Variants in SLC35F4 observed in about 807,000 individuals in gnomAD.
SLC35F4 encodes the protein chromosome 14 open reading frame 36.
In SLC35F4, 24 loss-of-function variants were observed where a neutral mutation model predicts 44.2. The observed-to-expected ratio is 0.54, with a 90% CI of 0.39 to 0.76. The LOEUF is 0.76. Among genes scored for constraint, SLC35F4 ranks in the 30% least tolerant of loss-of-function variants. The pLI is 0.00. For synonymous variants in SLC35F4, 238 were observed against 223.6 expected, an observed-to-expected ratio of 1.06 and a Z score of -0.57; for missense variants, 562 against 586.1, an observed-to-expected ratio of 0.96 and a Z score of 0.42.
chr14:57,811,162 T>C (rs1881921088), intron 1 of SLC35F4, among the ~76,000 whole-genome samples: 1 of 152,158 alleles, frequency 6.6e-6, no homozygotes, highest in South Asian at 2.1e-4. Context: ...CCAGTATTTA[T>C]CACTTGAATA....
At position 57,866,064 on chromosome 14, in the gene SLC35F4, C is replaced by T. The variant is rs978903074; in HGVS notation, c.-239G>A. 7.4e-6 allele frequency: 2 copies of T among 272,070 alleles called. No homozygotes were observed. Among genetic ancestry groups the T allele is most frequent in the South Asian group, 1.0e-4 (1 of 9,660 alleles). The allele number at this position is 272,070 out of a possible 1,614,324, so 16.9% of individuals were successfully genotyped here. A position where few individuals can be genotyped will look rare whatever the true frequency, so the allele number is the denominator to read the frequency against. ...CTCCGTCAGCCTGGCAGCTCTCCCG[C>T]GCGCCACCCGGAGCACTGCTGCCCG... is the stretch of plus-strand genomic sequence containing the variant. On this transcript the variant is annotated 5_prime_UTR_variant, in exon 1 of 8. Transcript: ENST00000556826.
intron 1 of SLC35F4, among the ~76,000 whole-genome samples, chr14:57,884,349 A>C (rs975546093): frequency 2.0e-5 from 3 of 152,216 alleles, no homozygotes; most frequent in African/African-American, 7.2e-5. Context: ...TTAGTTATAC[A>C]ATAAAAAATA....
rs529115899 is a variant in SLC35F4, at chr14:57,763,451, C to A, written c.103+102272G>T. 2.6e-5 allele frequency among the ~76,000 whole-genome samples: 4 copies of A among 152,166 alleles called. No individual in the cohort carries two copies. The South Asian group carries it at 8.3e-4, about 32-fold the overall frequency. ...AATACAGTGTTTAAGAGTGCAAACT[C>A]CAGAGTCAGAATAGTTGATGTTTAT... On this transcript the variant is annotated intron_variant, in intron 1 of 7. Coordinates refer to ENST00000556826, the MANE Select transcript of SLC35F4 (RefSeq NM_001306087.2).
chr14:57,751,774 T>C (rs546668474), intron 1 of SLC35F4, among the ~76,000 whole-genome samples: 1 of 152,206 alleles, frequency 6.6e-6, no homozygotes, highest in South Asian at 2.1e-4. Context: ...ATGGTCACAA[T>C]GAAAATATCA....
At chr14:57,655,801 A>G (rs1001438216) in intron 1 of SLC35F4, among the ~76,000 whole-genome samples, 1 of 152,054 alleles carries the variant, frequency 6.6e-6, no homozygotes, top group African/African-American at 2.4e-5. Flanking sequence ...CTCACAACCA[A>G]TTACCAACAG....
At chr14:57,651,280 A>G (rs1200904937) in intron 1 of SLC35F4, among the ~76,000 whole-genome samples, 1 of 152,168 alleles carries the variant, frequency 6.6e-6, no homozygotes, top group Non-Finnish European at 1.5e-5. Flanking sequence ...AAATTTATCA[A>G]CATCAGACAT....
intron 1 of SLC35F4, among the ~76,000 whole-genome samples, chr14:57,899,473 A>G (rs1278007030): frequency 2.0e-5 from 3 of 152,256 alleles, no homozygotes; most frequent in Non-Finnish European, 4.4e-5. Context: ...GGAACCAATA[A>G]GCACACAACA....
intron 1 of SLC35F4, among the ~76,000 whole-genome samples, chr14:57,610,117 T>C (rs2071405842): frequency 1.3e-5 from 2 of 152,202 alleles, no homozygotes; most frequent in Non-Finnish European, 2.9e-5. Flanking sequence ...TAAGGATTTA[T>C]TGAGGAGTCT....
In SLC35F4 at chr14:57,865,843, G is replaced by T; in HGVS notation, c.-18C>A. 6.7e-7 allele frequency: 1 copy of T among 1,483,142 alleles called. No homozygotes were observed. Among genetic ancestry groups the T allele is most frequent in the South Asian group, 1.3e-5 (1 of 79,336 alleles). The allele number at this position is 1,483,142 out of a possible 1,614,324, so 91.9% of individuals were successfully genotyped here. On this transcript the variant is annotated 5_prime_UTR_variant, in exon 1 of 8. Transcript: ENST00000556826. ...ACATCCATAGAGAGCGCGGGGCGAC[G>T]GCCCCGAGTGCGGCGGGGCGGAGAG...
chr14:57,882,722 G>A (rs1370610353), intron 1 of SLC35F4, among the ~76,000 whole-genome samples: 1 of 152,162 alleles, frequency 6.6e-6, no homozygotes, highest in Non-Finnish European at 1.5e-5. Context: ...TGGGTAGTAA[G>A]CCTCATAGGT....
chr14:57,701,712 T>A (rs909744093), intron 1 of SLC35F4, among the ~76,000 whole-genome samples: 1 of 152,178 alleles, frequency 6.6e-6, no homozygotes, highest in Non-Finnish European at 1.5e-5. Context: ...AACATACCTA[T>A]GATAAAGTTT....
rs539787732 is a variant in SLC35F4 at position 57,662,252 on chromosome 14, T to C, written c.104-68128A>G. Among the ~76,000 whole-genome samples, 11 of 152,280 alleles carry C rather than the reference T, an allele frequency of 7.2e-5. No individual in the cohort carries two copies. The South Asian group carries it at 2.3e-3, about 32-fold the overall frequency. On this transcript the variant is annotated intron_variant, in intron 1 of 7. Coordinates refer to ENST00000556826, the MANE Select transcript of SLC35F4 (RefSeq NM_001306087.2). The stretch of plus-strand genomic sequence containing the variant: ...AATTATTATGGAATGTATTTCCTAG[T>C]GCCCATTGGAAACAAGCTGAAATTG...
intron 1 of SLC35F4, among the ~76,000 whole-genome samples, chr14:57,941,194 C>T (rs778044392): frequency 6.6e-5 from 10 of 152,104 alleles, no homozygotes; most frequent in Non-Finnish European, 1.5e-4. Flanking sequence ...TAGATACACA[C>T]ACAAAAGAAT....
intron 1 of SLC35F4, among the ~76,000 whole-genome samples, chr14:57,889,368 C>A (rs757683171): frequency 6.6e-6 from 1 of 152,250 alleles, no homozygotes; most frequent in Non-Finnish European, 1.5e-5. Flanking sequence ...AGCAGAGACA[C>A]TTGAAGTACT....
chr14:57,908,859 A>G (rs910434073), intron 1 of SLC35F4, among the ~76,000 whole-genome samples: 1 of 152,144 alleles, frequency 6.6e-6, no homozygotes, highest in Non-Finnish European at 1.5e-5. Context: ...GTCTTTGCCC[A>G]TGCCTATGTC....
intron 1 of SLC35F4, among the ~76,000 whole-genome samples, chr14:57,767,002 A>T (rs1176559505): frequency 2.0e-5 from 3 of 152,236 alleles, no homozygotes; most frequent in African/African-American, 7.2e-5. Context: ...GAGGCACATT[A>T]CTTAATAATA....
intron 1 of SLC35F4, among the ~76,000 whole-genome samples, chr14:57,893,590 TCAAGA>T (rs1389710158): frequency 6.6e-6 from 1 of 152,118 alleles, no homozygotes; most frequent in East Asian, 1.9e-4. Context: ...GTAAAATTAG[TCAAGA>T]CAACATGTGG....
chr14:57,896,707 T>A (rs72624741), intron 1 of SLC35F4, among the ~76,000 whole-genome samples: 18,436 of 152,166 alleles, frequency 0.12, 1,409 homozygotes, highest in East Asian at 0.4. Flanking sequence ...ATTTAAGAGA[T>A]AAAGTCATTA....
At chr14:57,692,476 G>C (rs959641246) in intron 1 of SLC35F4, among the ~76,000 whole-genome samples, 9 of 151,984 alleles carry the variant, frequency 5.9e-5, no homozygotes, top group African/African-American at 1.9e-4. Context: ...AATCAGTCTT[G>C]TTTGTCAATA....
Sources: allele counts gnomAD v4.1 joint callset (sites outside exome capture counted in the v4.1 genomes callset), GRCh38; gene constraint gnomAD v4.1.1; transcripts MANE v1.5; gene names NCBI Gene and HGNC (gene_info 2026-07-23, HGNC 2026-07-21).